The following MTUS2 variants were observed in gnomAD, a reference collection of about 807,000 sequenced individuals.
The protein encoded by MTUS2 is microtubule associated scaffold protein 2.
MTUS2 carries 40 observed loss-of-function variants against 114.1 expected under a neutral mutation model. The observed-to-expected ratio is 0.35, with a 90% CI of 0.27 to 0.46. MTUS2 has a LOEUF of 0.46. Ranked by LOEUF, MTUS2 falls within the 20% of genes least tolerant of loss-of-function variation. The pLI, the probability that MTUS2 is intolerant of heterozygous loss-of-function variation, is 1.00. For missense variants in MTUS2, 1,679 were observed against 1,705.4 expected, an observed-to-expected ratio of 0.98 and a Z score of 0.27; for synonymous variants, 688 against 672.0, an observed-to-expected ratio of 1.02 and a Z score of -0.37.
At chr13:29,029,119 C>T (rs1886696365) in intron 3 of MTUS2, among the ~76,000 whole-genome samples, 1 of 152,204 alleles carries the variant, frequency 6.6e-6, no homozygotes, top group African/African-American at 2.4e-5. Flanking sequence ...TCCTTAGCAA[C>T]CAAATCACAC....
At chr13:29,012,745 G>A (rs956796197) in intron 2 of MTUS2, among the ~76,000 whole-genome samples, 1 of 151,968 alleles carries the variant, frequency 6.6e-6, no homozygotes, top group Non-Finnish European at 1.5e-5. Context: ...ATGGTGGTGG[G>A]CGCCTGTAGT....
chr13:29,204,325 A>G (rs1351700643), intron 5 of MTUS2, among the ~76,000 whole-genome samples: 1 of 152,110 alleles, frequency 6.6e-6, no homozygotes, highest in Non-Finnish European at 1.5e-5. Flanking sequence ...TAATTCTTAT[A>G]TGAGCTAAAT....
chr13:29,475,377 C>G (rs541463516), intron 9 of MTUS2, among the ~76,000 whole-genome samples: 1 of 152,282 alleles, frequency 6.6e-6, no homozygotes, highest in East Asian at 1.9e-4. Context: ...ATTTACTATG[C>G]TATATTTTTA....
chr13:28,980,944 G>A (rs139742689), intron 2 of MTUS2, among the ~76,000 whole-genome samples: 6 of 152,332 alleles, frequency 3.9e-5, no homozygotes, highest in African/African-American at 7.2e-5. Context: ...GGCATAAGCC[G>A]GGACTTTGCC....
rs146344019 is a variant in MTUS2 at position 29,127,617 on chromosome 13, G to A, written c.2644+26647G>A. ...TTTGGCTTTGTCAGCCCCCATAATT[G>A]GGTAATCTCATTTTTTGAAATCTCT... On this transcript the variant is annotated intron_variant, in intron 5 of 15. Transcript: ENST00000612955. Among the ~76,000 whole-genome samples the A allele has an allele frequency of 6.6e-5, 10 of 152,190 alleles. No homozygotes were observed. In the East Asian group the frequency reaches 1.9e-3, roughly 29 times the overall value.
intron 2 of MTUS2, among the ~76,000 whole-genome samples, chr13:28,908,353 C>T (rs1250925384): frequency 6.6e-6 from 1 of 151,520 alleles, no homozygotes; most frequent in Non-Finnish European, 1.5e-5. Context: ...CATGTGTTCT[C>T]ATTGTTTAAT....
At chr13:29,223,640 A>T (rs529557217) in intron 5 of MTUS2, among the ~76,000 whole-genome samples, 4 of 152,334 alleles carry the variant, frequency 2.6e-5, no homozygotes, top group African/African-American at 9.6e-5. Context: ...TTCTTCCTGG[A>T]CATGGGACAA....
chr13:29,216,763 A>C (rs779205720), intron 5 of MTUS2, among the ~76,000 whole-genome samples: 1 of 152,150 alleles, frequency 6.6e-6, no homozygotes, highest in Non-Finnish European at 1.5e-5. Flanking sequence ...GGCCTTCTAA[A>C]TTGGTCTCAC....
At chr13:28,936,906 G>T (rs60616043) in intron 2 of MTUS2, among the ~76,000 whole-genome samples, 12,548 of 152,218 alleles carry the variant, frequency 0.082, 596 homozygotes, top group South Asian at 0.13. Flanking sequence ...TGCTACTTGG[G>T]AGTTCCGGTT....
At chr13:29,500,038 T>A (rs947437862) in intron 14 of MTUS2, among the ~76,000 whole-genome samples, 1 of 152,252 alleles carries the variant, frequency 6.6e-6, no homozygotes, top group African/African-American at 2.4e-5. Context: ...GGGGACCAGC[T>A]GTTCTGAGAG....
At chr13:29,126,788 G>T (rs1891536222) in intron 5 of MTUS2, among the ~76,000 whole-genome samples, 1 of 152,034 alleles carries the variant, frequency 6.6e-6, no homozygotes, top group Non-Finnish European at 1.5e-5. Flanking sequence ...GCCTATGTTG[G>T]GGTCCTGCGT....
intron 7 of MTUS2, among the ~76,000 whole-genome samples, chr13:29,336,828 A>C (rs1269745686): frequency 1.3e-5 from 2 of 152,230 alleles, no homozygotes; most frequent in African/African-American, 4.8e-5. Flanking sequence ...CCTTTCTTTC[A>C]GAATTCCCTG....
At chr13:29,145,675 C>A (rs183913248) in intron 5 of MTUS2, among the ~76,000 whole-genome samples, 3 of 152,218 alleles carry the variant, frequency 2.0e-5, no homozygotes, top group African/African-American at 4.8e-5. Flanking sequence ...CCCACCCACC[C>A]CTGCCACCCC....
At chr13:29,109,933 G>A (rs1402116152) in intron 5 of MTUS2, among the ~76,000 whole-genome samples, 1 of 152,214 alleles carries the variant, frequency 6.6e-6, no homozygotes, top group Non-Finnish European at 1.5e-5. Flanking sequence ...CCTTCTGAGT[G>A]AGTGTTAAGC....
chr13:28,849,687 C>G (rs1290839930), intron 2 of MTUS2, among the ~76,000 whole-genome samples: 2 of 152,064 alleles, frequency 1.3e-5, no homozygotes, highest in Non-Finnish European at 2.9e-5. Context: ...CCCAATTTCT[C>G]TCTCACCGTT....
At chr13:28,939,814 G>A (rs1486214032) in intron 2 of MTUS2, among the ~76,000 whole-genome samples, 3 of 152,160 alleles carry the variant, frequency 2.0e-5, no homozygotes, top group African/African-American at 7.2e-5. Context: ...CCAACGCTGG[G>A]TAATATATAA....
intron 1 of MTUS2, among the ~76,000 whole-genome samples, chr13:28,828,357 A>G (rs931012011): frequency 6.6e-6 from 1 of 152,278 alleles, no homozygotes; most frequent in South Asian, 2.1e-4. Context: ...AGTTAACACA[A>G]TCATCACAGG....
In MTUS2 at chr13:29,504,484, G is replaced by T; in HGVS notation, c.*1278G>T. On this transcript the variant is annotated 3_prime_UTR_variant, in exon 16 of 16. Transcript: ENST00000612955. ...ACCCAGAAACCCACTTGCACTTCCT[G>T]CTGGATGATCAGGCAACGCTGCTGC... is the stretch of plus-strand genomic sequence containing the variant. The T allele has an allele frequency of 4.3e-6, 1 of 232,430 alleles. No individual in the cohort carries two copies. The allele number at this position is 232,430 out of a possible 1,614,324, so 14.4% of individuals were successfully genotyped here. A position where few individuals can be genotyped will look rare whatever the true frequency, so the allele number is the denominator to read the frequency against.
intron 5 of MTUS2, among the ~76,000 whole-genome samples, chr13:29,158,000 T>A (rs1354281007): frequency 6.6e-6 from 1 of 152,124 alleles, no homozygotes; most frequent in Non-Finnish European, 1.5e-5. Context: ...AGGTGAAACA[T>A]CTCTGACTTT....
Sources: allele counts gnomAD v4.1 joint callset (sites outside exome capture counted in the v4.1 genomes callset), GRCh38; gene constraint gnomAD v4.1.1; transcripts MANE v1.5; gene names NCBI Gene and HGNC (gene_info 2026-07-23, HGNC 2026-07-21).